The following ADAMTS12 variants were observed in gnomAD, a reference collection of about 807,000 sequenced individuals.
ADAMTS12 encodes the protein A disintegrin and metalloproteinase with thrombospondin motifs 12.
ADAMTS12 carries 118 observed loss-of-function variants against 167.8 expected under a neutral mutation model. The observed-to-expected ratio is 0.70, with a 90% CI of 0.61 to 0.82. The LOEUF is 0.82. Among genes scored for constraint, ADAMTS12 ranks in the 40% least tolerant of loss-of-function variants. The pLI is 0.00. For missense variants in ADAMTS12, 1,916 were observed against 1,998.8 expected (o/e 0.96, Z 0.79); for synonymous variants, 704 against 716.9 (o/e 0.98, Z 0.29).
chr5:33,656,666 A>G (rs1480328393), intron 7 of ADAMTS12, among the ~76,000 whole-genome samples: 3 of 152,110 alleles, frequency 2.0e-5, no homozygotes, highest in African/African-American at 7.2e-5. Flanking sequence ...TCTCAGTTTG[A>G]CCCAGTTACA....
At chr5:33,628,838 T>C (rs534750896) in intron 13 of ADAMTS12, among the ~76,000 whole-genome samples, 44 of 152,328 alleles carry the variant, frequency 2.9e-4, no homozygotes, top group Admixed American at 2.7e-3. Context: ...CAGTGTGCTA[T>C]AGACAGAAAG....
intron 21 of ADAMTS12, among the ~76,000 whole-genome samples, chr5:33,548,885 G>C (rs2111829003): frequency 6.6e-6 from 1 of 152,298 alleles, no homozygotes; most frequent in Admixed American, 6.5e-5. Flanking sequence ...ATTCGTCCTT[G>C]TTCAAATCAT....
intron 2 of ADAMTS12, among the ~76,000 whole-genome samples, chr5:33,817,862 TTAACATTA>T (rs2112497369): frequency 6.6e-6 from 1 of 152,262 alleles, no homozygotes; most frequent in East Asian, 1.9e-4. Context: ...TCTTTTCCAT[TTAACATTA>T]TATCATGTAA....
chr5:33,645,250 G>A (rs1023603368), intron 9 of ADAMTS12, among the ~76,000 whole-genome samples: 1 of 151,900 alleles, frequency 6.6e-6, no homozygotes, highest in East Asian at 1.9e-4. Context: ...AGCATGGCCT[G>A]TAGTAAAGAA....
At chr5:33,581,365 C>T (rs1363995716) in intron 18 of ADAMTS12, among the ~76,000 whole-genome samples, 1 of 152,148 alleles carries the variant, frequency 6.6e-6, no homozygotes, top group East Asian at 1.9e-4. Context: ...CACTTATCAC[C>T]ATCCTGGATA....
chr5:33,553,315 C>G (rs1745339548), intron 20 of ADAMTS12, among the ~76,000 whole-genome samples: 1 of 152,198 alleles, frequency 6.6e-6, no homozygotes. Context: ...GGTGATTCCT[C>G]AAGACCTAAA....
chr5:33,736,570 C>T (rs933101274), intron 3 of ADAMTS12, among the ~76,000 whole-genome samples: 5 of 152,192 alleles, frequency 3.3e-5, no homozygotes, highest in Non-Finnish European at 7.3e-5. Flanking sequence ...AAAGCACAAG[C>T]CTCACACAGA....
At chr5:33,777,951 A>C (rs1247336453) in intron 2 of ADAMTS12, among the ~76,000 whole-genome samples, 2 of 152,050 alleles carry the variant, frequency 1.3e-5, no homozygotes, top group Non-Finnish European at 2.9e-5. Context: ...TAAAATAATT[A>C]GAAATAAATT....
chr5:33,647,376 G>A (rs549910540), intron 9 of ADAMTS12, among the ~76,000 whole-genome samples: 1 of 152,152 alleles, frequency 6.6e-6, no homozygotes, highest in Non-Finnish European at 1.5e-5. Context: ...AGAGTTGAGG[G>A]GAAGCGTTCA....
intron 12 of ADAMTS12, 25 bp from the exon 13 acceptor site, chr5:33,630,938 C>G: frequency 3.1e-6 from 5 of 1,606,082 alleles, no homozygotes; most frequent in Non-Finnish European, 4.3e-6. Flanking sequence ...GAAGGCAAAG[C>G]CTTGCAAATT....
intron 3 of ADAMTS12, among the ~76,000 whole-genome samples, chr5:33,734,488 T>C (rs950240808): frequency 6.6e-6 from 1 of 152,176 alleles, no homozygotes; most frequent in Non-Finnish European, 1.5e-5. Context: ...TAAGTCACAA[T>C]TGTGAATTAA....
At chr5:33,606,017 G>A (rs911392019) in intron 16 of ADAMTS12, among the ~76,000 whole-genome samples, 1 of 152,046 alleles carries the variant, frequency 6.6e-6, no homozygotes, top group Non-Finnish European at 1.5e-5. Context: ...GTGCAATCTC[G>A]ACTCATTGCA....
intron 2 of ADAMTS12, among the ~76,000 whole-genome samples, chr5:33,854,722 G>GA (rs1315274438): frequency 6.6e-6 from 1 of 152,122 alleles, no homozygotes; most frequent in Non-Finnish European, 1.5e-5. Flanking sequence ...GGGAGGGGGA[G>GA]AAAAAACCAT....
chr5:33,741,620 C>G (rs1744589715), intron 3 of ADAMTS12, among the ~76,000 whole-genome samples: 1 of 152,104 alleles, frequency 6.6e-6, no homozygotes, highest in South Asian at 2.1e-4. Context: ...AAATGGCTCT[C>G]TAAGAATCCA....
Position 33,527,282 on chromosome 5 carries a change from C to T in ADAMTS12, c.4691G>A (p.Arg1564Lys). The change falls in exon 24 of 24, where the codon AGG becomes AAG. Residue 1564 changes from arginine (R) to lysine (K), a missense_variant. Coordinates refer to ENST00000504830, the MANE Select transcript of ADAMTS12 (RefSeq NM_030955.4). ...GGGACACGAGAAGCAGCACTCAGCC[C>T]TCACGGTGGGCACAGAACATTTCTT... is the stretch of plus-strand genomic sequence containing the variant. ...AMKKCSVPTVRAECCFSCPQT... is the reference protein window; with the variant it reads ...AMKKCSVPTVKAECCFSCPQT... The T allele has an allele frequency of 6.2e-7, 1 of 1,614,136 alleles. No individual in the cohort carries two copies. The highest frequency in any genetic ancestry group is 2.2e-5 in the East Asian group (1 of 44,878).
intron 3 of ADAMTS12, among the ~76,000 whole-genome samples, chr5:33,735,569 A>T (rs1744341322): frequency 6.6e-6 from 1 of 152,192 alleles, no homozygotes; most frequent in Admixed American, 6.5e-5. Context: ...AATTTGGCTT[A>T]TGGACTGTAG....
At chr5:33,734,249 G>C (rs1744290196) in intron 3 of ADAMTS12, among the ~76,000 whole-genome samples, 1 of 152,152 alleles carries the variant, frequency 6.6e-6, no homozygotes, top group Non-Finnish European at 1.5e-5. Flanking sequence ...TGCCTCTCAG[G>C]AGAAGTGGTC....
At chr5:33,673,680 G>GA (rs1741799804) in intron 5 of ADAMTS12, among the ~76,000 whole-genome samples, 1 of 13,042 alleles carries the variant, frequency 7.7e-5, no homozygotes, top group Admixed American at 2.1e-3. Context: ...TCCATATCAT[G>GA]ACCATGGCTC....
At chr5:33,655,078 T>C (rs1321840319) in intron 7 of ADAMTS12, among the ~76,000 whole-genome samples, 1 of 152,130 alleles carries the variant, frequency 6.6e-6, no homozygotes, top group Non-Finnish European at 1.5e-5. Flanking sequence ...TAGTGTTCAG[T>C]GTTTTTCATC....
Sources: gnomAD v4.1 joint callset for allele counts (sites outside exome capture counted in the v4.1 genomes callset) on GRCh38, gnomAD v4.1.1 for gene constraint, MANE v1.5 for transcripts, NCBI Gene and HGNC (gene_info 2026-07-23, HGNC 2026-07-21) for gene names.